The following LRRC4C variants were observed in gnomAD, a reference collection of about 807,000 sequenced individuals.
The protein encoded by LRRC4C is leucine-rich repeat-containing protein 4C.
In LRRC4C, 5 loss-of-function variants were observed where a neutral mutation model predicts 33.6. The observed-to-expected ratio is 0.15, with a 90% CI of 0.08 to 0.31. The LOEUF (loss-of-function observed/expected upper bound fraction) is 0.31, where lower values mean the gene tolerates loss of function less well. Ranked by LOEUF, LRRC4C falls within the 10% of genes least tolerant of loss-of-function variation. LRRC4C has a pLI of 1.00. For missense variants in LRRC4C, 560 were observed against 796.7 expected (o/e 0.70, Z 3.58); for synonymous variants, 329 against 302.0 (o/e 1.09, Z -0.93).
At chr11:40,253,680 A>G (rs1335107843) in intron 4 of LRRC4C, among the ~76,000 whole-genome samples, 2 of 152,136 alleles carry the variant, frequency 1.3e-5, no homozygotes, top group African/African-American at 2.4e-5. Context: ...AACCCTCCAG[A>G]TGCACTGCAG....
At chr11:41,296,137 G>A (rs1288361646) in intron 1 of LRRC4C, among the ~76,000 whole-genome samples, 1 of 152,168 alleles carries the variant, frequency 6.6e-6, no homozygotes, top group Non-Finnish European at 1.5e-5. Context: ...AATTGGCAAA[G>A]ATTTTTTAAA....
chr11:40,641,185 A>C (rs1054968731), intron 3 of LRRC4C, among the ~76,000 whole-genome samples: 11 of 152,096 alleles, frequency 7.2e-5, no homozygotes, highest in Middle Eastern at 3.2e-3. Context: ...AAGGCAGATA[A>C]AATTACTTCC....
intron 1 of LRRC4C, among the ~76,000 whole-genome samples, chr11:41,166,445 C>G (rs941016758): frequency 1.3e-5 from 2 of 152,174 alleles, no homozygotes; most frequent in African/African-American, 4.8e-5. Context: ...ACACTTTATG[C>G]TTTAAGATCC....
intron 2 of LRRC4C, among the ~76,000 whole-genome samples, chr11:40,889,939 C>T (rs1341027608): frequency 6.6e-6 from 1 of 152,118 alleles, no homozygotes; most frequent in African/African-American, 2.4e-5. Context: ...ATTAAAAACT[C>T]TAATACAGCA....
At chr11:40,460,444 T>G (rs529713865) in intron 3 of LRRC4C, among the ~76,000 whole-genome samples, 148 of 152,226 alleles carry the variant, frequency 9.7e-4, no homozygotes, top group African/African-American at 3.5e-3. Flanking sequence ...AGGACTTTGG[T>G]GAAATCTCTT....
At chr11:40,643,155 C>A (rs1289012531) in intron 3 of LRRC4C, among the ~76,000 whole-genome samples, 2 of 152,066 alleles carry the variant, frequency 1.3e-5, no homozygotes, top group Non-Finnish European at 2.9e-5. Context: ...ATCAGAAACC[C>A]AGAAATGGCA....
At chr11:41,079,101 C>G (rs1013244687) in intron 1 of LRRC4C, among the ~76,000 whole-genome samples, 1 of 152,166 alleles carries the variant, frequency 6.6e-6, no homozygotes, top group Non-Finnish European at 1.5e-5. Context: ...AACACCTTTA[C>G]GATTGTCTAA....
At chr11:40,421,917 T>C (rs1055954732) in intron 3 of LRRC4C, among the ~76,000 whole-genome samples, 8 of 152,178 alleles carry the variant, frequency 5.3e-5, no homozygotes, top group Non-Finnish European at 1.2e-4. Flanking sequence ...AAAAGCAAAA[T>C]GCTGTGGAGG....
intron 3 of LRRC4C, among the ~76,000 whole-genome samples, chr11:40,349,872 C>G (rs1272577689): frequency 1.3e-5 from 2 of 151,998 alleles, no homozygotes; most frequent in Non-Finnish European, 2.9e-5. Flanking sequence ...GTATGCGATT[C>G]TGACACAATC....
rs537397270 is a variant in LRRC4C at position 41,014,434 on chromosome 11, A to T, written c.-495-80711T>A. 6.5e-4 allele frequency among the ~76,000 whole-genome samples: 99 copies of T among 151,544 alleles called. 3 individuals are homozygous for T. In the South Asian group the frequency reaches 0.021, roughly 32 times the overall value. On this transcript the variant is annotated intron_variant, in intron 1 of 6. Transcript: ENST00000528697. ...ATAGGAAGCAATAAATGGTACCAAG[A>T]GCACAGTGCATGTGTGTTGTTGATC... is the stretch of plus-strand genomic sequence containing the variant.
rs892025227 is a variant in LRRC4C at position 40,461,727 on chromosome 11, T to C, written c.-269-142006A>G. 6.7e-5 allele frequency among the ~76,000 whole-genome samples: 10 copies of C among 149,560 alleles called. No individual in the cohort carries two copies. In the Admixed American group the frequency reaches 6.7e-4, roughly 10 times the overall value. ...TTATATCTTATACATATAATCATTATATTATAATAATCTTCTTTAAAATAT... is the reference window on the plus strand; with the variant it reads ...TTATATCTTATACATATAATCATTACATTATAATAATCTTCTTTAAAATAT... On this transcript the variant is annotated intron_variant, in intron 3 of 6. Coordinates refer to ENST00000528697, the MANE Select transcript of LRRC4C (RefSeq NM_001258419.2).
At chr11:41,076,677 C>T (rs1366858773) in intron 1 of LRRC4C, among the ~76,000 whole-genome samples, 1 of 152,138 alleles carries the variant, frequency 6.6e-6, no homozygotes, top group Non-Finnish European at 1.5e-5. Flanking sequence ...GCCACAGAGC[C>T]AAACCACATC....
chr11:40,766,884 G>A (rs7483676), intron 2 of LRRC4C, among the ~76,000 whole-genome samples: 121,182 of 151,308 alleles, frequency 0.8, 48,710 homozygotes, highest in African/African-American at 0.86. Flanking sequence ...AGGAGAAGGG[G>A]GGAGGAAAAG....
At chr11:41,421,816 G>A (rs1053376811) in intron 1 of LRRC4C, among the ~76,000 whole-genome samples, 8 of 151,880 alleles carry the variant, frequency 5.3e-5, no homozygotes, top group African/African-American at 9.7e-5. Context: ...TTGTCGATCC[G>A]GGAAGCTAAA....
chr11:40,314,646 T>G (rs1416229242), intron 4 of LRRC4C, among the ~76,000 whole-genome samples: 1 of 152,106 alleles, frequency 6.6e-6, no homozygotes, highest in Non-Finnish European at 1.5e-5. Context: ...TGGATTCAAC[T>G]CAGGTGTCCA....
intron 2 of LRRC4C, among the ~76,000 whole-genome samples, chr11:40,667,969 T>G (rs550434918): frequency 6.6e-6 from 1 of 152,226 alleles, no homozygotes; most frequent in Non-Finnish European, 1.5e-5. Flanking sequence ...CCTTCATCTG[T>G]GAAAACTTTG....
intron 3 of LRRC4C, among the ~76,000 whole-genome samples, chr11:40,621,937 C>T (rs1206571015): frequency 6.6e-6 from 1 of 151,724 alleles, no homozygotes. Context: ...TTGCCCCAGG[C>T]CACACAACTG....
At chr11:41,240,138 T>C (rs1948191997) in intron 1 of LRRC4C, among the ~76,000 whole-genome samples, 1 of 152,226 alleles carries the variant, frequency 6.6e-6, no homozygotes, top group Non-Finnish European at 1.5e-5. Context: ...GAAATTAGTC[T>C]TGTGTTGGCA....
chr11:40,660,877 T>C lies in LRRC4C; in HGVS notation c.-406-12599A>G, dbSNP rs570955758. 8.5e-5 allele frequency among the ~76,000 whole-genome samples: 13 copies of C among 152,312 alleles called. No homozygotes were observed. The East Asian group carries it at 2.5e-3, about 29-fold the overall frequency. On this transcript the variant is annotated intron_variant, in intron 2 of 6. Transcript: ENST00000528697. ...AAACACTAATATTAAAGATGAAATCTTTGCAAATTATGTCCCAACAAATAA... is the reference window on the plus strand; with the variant it reads ...AAACACTAATATTAAAGATGAAATCCTTGCAAATTATGTCCCAACAAATAA...
Sources: gnomAD v4.1 joint callset for allele counts (sites outside exome capture counted in the v4.1 genomes callset) on GRCh38, gnomAD v4.1.1 for gene constraint, MANE v1.5 for transcripts, NCBI Gene and HGNC (gene_info 2026-07-23, HGNC 2026-07-21) for gene names.